Variants in P3H2 observed in about 807,000 individuals in gnomAD.
P3H2 encodes prolyl 3-hydroxylase 2.
In P3H2, 80 loss-of-function variants were observed where a neutral mutation model predicts 87.0. That is an observed-to-expected ratio of 0.92 (90% confidence interval 0.77 to 1.11). P3H2 has a LOEUF of 1.11. Among genes scored for constraint, P3H2 ranks in the 50% least tolerant of loss-of-function variants. The pLI, the probability that P3H2 is intolerant of heterozygous loss-of-function variation, is 0.00. For synonymous variants in P3H2, 367 were observed against 359.3 expected (o/e 1.02, Z -0.24); for missense variants, 1,001 against 923.9 (o/e 1.08, Z -1.08).
At chr3:189,989,163 C>A (rs1157165220) in intron 3 of P3H2, 125 bp from the exon 4 acceptor site, 2 of 1,187,020 alleles carry the variant, frequency 1.7e-6, no homozygotes, top group Non-Finnish European at 2.5e-6. Flanking sequence ...TTATTATAAT[C>A]CTCACTTCCG....
At chr3:189,991,999 T>C (rs572116702) in intron 3 of P3H2, among the ~76,000 whole-genome samples, 80 of 141,418 alleles carry the variant, frequency 5.7e-4, no homozygotes, top group African/African-American at 2.0e-3. Context: ...CTATCCAAGT[T>C]TGGTAAAAAA....
intron 1 of P3H2, among the ~76,000 whole-genome samples, chr3:190,020,166 G>C (rs1380275270): frequency 1.5e-5 from 2 of 132,500 alleles, no homozygotes; most frequent in African/African-American, 5.2e-5. Context: ...AAAGGCTAAG[G>C]CGTTCAACAC....
chr3:190,041,145 A>C (rs1725619284), intron 1 of P3H2, among the ~76,000 whole-genome samples: 2 of 140,842 alleles, frequency 1.4e-5, no homozygotes, highest in South Asian at 2.4e-4. Flanking sequence ...GGTGGTGCAC[A>C]CCTGTAGCCC....
intron 1 of P3H2, among the ~76,000 whole-genome samples, chr3:190,001,215 C>T (rs771691970): frequency 2.0e-5 from 3 of 151,950 alleles, no homozygotes; most frequent in Admixed American, 6.6e-5. Context: ...ATTTTGAATA[C>T]GAAATTAAGA....
intron 8 of P3H2, among the ~76,000 whole-genome samples, chr3:189,979,125 T>C (rs1723445269): frequency 1.3e-5 from 2 of 151,798 alleles, no homozygotes; most frequent in African/African-American, 4.8e-5. Flanking sequence ...CTTTTACAGT[T>C]AAAAAAACAA....
chr3:190,012,562 TCTCCCC>T (rs1724628225), intron 1 of P3H2, among the ~76,000 whole-genome samples: 1 of 152,192 alleles, frequency 6.6e-6, no homozygotes, highest in East Asian at 1.9e-4. Flanking sequence ...TTCCACTCAG[TCTCCCC>T]TCTGGGTTTC....
intron 1 of P3H2, among the ~76,000 whole-genome samples, chr3:190,111,403 G>A (rs1712064821): frequency 6.6e-6 from 1 of 151,914 alleles, no homozygotes; most frequent in African/African-American, 2.4e-5. Context: ...GTAAAATTTG[G>A]GCCACTCAAT....
At chr3:190,090,284 TA>T (rs1480899355) in intron 1 of P3H2, among the ~76,000 whole-genome samples, 1 of 152,166 alleles carries the variant, frequency 6.6e-6, no homozygotes, top group African/African-American at 2.4e-5. Context: ...TCAAAGGCAC[TA>T]AAAAATATGC....
chr3:190,113,620 G>C (rs544477906), intron 1 of P3H2, among the ~76,000 whole-genome samples: 1 of 152,296 alleles, frequency 6.6e-6, no homozygotes, highest in African/African-American at 2.4e-5. Flanking sequence ...AATGTATCAA[G>C]TCTCGCCTAT....
At chr3:189,969,533 A>G (rs1259297640) in intron 13 of P3H2, 2 of 1,227,130 alleles carry the variant, frequency 1.6e-6, no homozygotes, top group South Asian at 1.2e-5. Context: ...GAACTGATCA[A>G]TAATGACAAT....
At chr3:190,045,215 A>C (rs1326916459) in intron 1 of P3H2, among the ~76,000 whole-genome samples, 5 of 152,220 alleles carry the variant, frequency 3.3e-5, no homozygotes, top group Admixed American at 3.3e-4. Context: ...CAAGCAGGCA[A>C]GGCCCAGATC....
intron 2 of P3H2, 44 bp downstream of exon 2, chr3:189,995,246 G>A (rs1164940854): frequency 1.9e-6 from 3 of 1,600,544 alleles, no homozygotes; most frequent in Non-Finnish European, 2.6e-6. Flanking sequence ...AAACTTAGGA[G>A]CACTTAGCTC....
At chr3:190,096,244 C>T (rs1439923316) in intron 1 of P3H2, among the ~76,000 whole-genome samples, 2 of 152,126 alleles carry the variant, frequency 1.3e-5, no homozygotes. Flanking sequence ...GGATTTGTGT[C>T]CCTGCCCAAA....
chr3:190,099,423 G>A (rs558638684), intron 1 of P3H2, among the ~76,000 whole-genome samples: 1 of 152,162 alleles, frequency 6.6e-6, no homozygotes, highest in South Asian at 2.1e-4. Flanking sequence ...ATATATGCAG[G>A]GGGAAAGTGT....
At chr3:190,079,890 G>C (rs1194961536) in intron 1 of P3H2, among the ~76,000 whole-genome samples, 1 of 152,210 alleles carries the variant, frequency 6.6e-6, no homozygotes, top group Non-Finnish European at 1.5e-5. Flanking sequence ...GGGGACAGGA[G>C]AGTATTAATG....
intron 1 of P3H2, among the ~76,000 whole-genome samples, chr3:190,002,862 T>C (rs73184354): frequency 0.014 from 2,066 of 152,318 alleles, 26 homozygotes; most frequent in Admixed American, 0.023. Context: ...TATACTCCCA[T>C]AGTAAGGGAG....
At chr3:190,101,368 C>CAAAAAAAAAAAAAAA in intron 1 of P3H2, among the ~76,000 whole-genome samples, 1 of 23,954 alleles carries the variant, frequency 4.2e-5, no homozygotes, top group Non-Finnish European at 7.1e-5. Flanking sequence ...ATCATGAACG[C>CAAAAAAAAAAAAAAA]AAAAAAAAAA....
At chr3:190,019,286 T>C (rs1185566514) in intron 1 of P3H2, among the ~76,000 whole-genome samples, 4 of 152,092 alleles carry the variant, frequency 2.6e-5, no homozygotes, top group African/African-American at 9.7e-5. Flanking sequence ...TCCCCTGGAG[T>C]GAATGCCACT....
chr3:190,102,624 T>C (rs900092358), intron 1 of P3H2, among the ~76,000 whole-genome samples: 1 of 152,164 alleles, frequency 6.6e-6, no homozygotes, highest in Non-Finnish European at 1.5e-5. Flanking sequence ...GGTTTCTTGA[T>C]GTGGAAACTA....
Sources: allele counts gnomAD v4.1 joint callset (sites outside exome capture counted in the v4.1 genomes callset), GRCh38; gene constraint gnomAD v4.1.1; transcripts MANE v1.5; gene names NCBI Gene and HGNC (gene_info 2026-07-23, HGNC 2026-07-21).